Variants in CERS4 observed in about 807,000 individuals in gnomAD.
The protein encoded by CERS4 is ceramide synthase 4, also known as LAG1 homolog, ceramide synthase 4.
CERS4 carries 65 observed loss-of-function variants against 51.8 expected under a neutral mutation model. The observed-to-expected ratio is 1.26, with a 90% confidence interval of 1.03 to 1.54. CERS4 has a LOEUF of 1.54. Ranked by LOEUF, CERS4 falls within the 40% of genes most tolerant of loss-of-function variation. CERS4 has a pLI of 0.00. For synonymous variants in CERS4, 228 were observed against 208.4 expected, an observed-to-expected ratio of 1.09 and a Z score of -0.81; for missense variants, 563 against 500.4, an observed-to-expected ratio of 1.13 and a Z score of -1.19.
intron 2 of CERS4, among the ~76,000 whole-genome samples, chr19:8,237,002 C>CAAAAAAA (rs781273995): frequency 1.3e-4 from 6 of 44,972 alleles, no homozygotes; most frequent in Admixed American, 3.6e-4. Flanking sequence ...GACTCTGTCT[C>CAAAAAAA]AAAAAAAAAA....
chr19:8,232,561 G>A lies in CERS4; in HGVS notation c.-1-18515G>A, dbSNP rs190229551. On this transcript the variant is annotated intron_variant, in intron 2 of 11. Transcript: ENST00000251363. ...CCCACCTCGGCCTCCCAAAGTGCTG[G>A]GATTATAGGCATGAGCCACTGTGCC... Among the ~76,000 whole-genome samples the A allele has an allele frequency of 2.0e-5, 3 of 151,912 alleles. No homozygotes were observed. The East Asian group carries it at 5.8e-4, about 29-fold the overall frequency.
intron 10 of CERS4, among the ~76,000 whole-genome samples, chr19:8,258,944 G>T (rs960869512): frequency 6.6e-6 from 1 of 151,868 alleles, no homozygotes; most frequent in Non-Finnish European, 1.5e-5. Flanking sequence ...GACCACTTTG[G>T]CCAACACAGA....
At chr19:8,253,786 C>T (rs948633422) in intron 3 of CERS4, among the ~76,000 whole-genome samples, 6 of 152,026 alleles carry the variant, frequency 3.9e-5, no homozygotes, top group African/African-American at 1.4e-4. Context: ...GACAGTGTTT[C>T]ACCATATTGG....
chr19:8,210,140 T>C lies in CERS4; in HGVS notation c.-158-566T>C, dbSNP rs969494781. On this transcript the variant is annotated intron_variant, in intron 1 of 11. Coordinates refer to ENST00000251363, the MANE Select transcript of CERS4 (RefSeq NM_024552.3). This position sits in a 1 kb window ranked among gnomAD's most constrained non-coding sequence, Gnocchi z 4.2. ...GGGGCCTGGGAAGCGGCGAGGAGAG[T>C]GTGGAACCCGTTCTCGGGGCGGTGG... Among the ~76,000 whole-genome samples, 2 of 149,622 alleles carry C rather than the reference T, an allele frequency of 1.3e-5. No individual in the cohort carries two copies. The highest frequency in any genetic ancestry group is 3.0e-5 in the Non-Finnish European group (2 of 67,254).
intron 2 of CERS4, among the ~76,000 whole-genome samples, chr19:8,248,775 G>C (rs1177956535): frequency 6.6e-6 from 1 of 151,912 alleles, no homozygotes; most frequent in African/African-American, 2.4e-5. Flanking sequence ...ATGGATGATG[G>C]GTGGATGGAT....
At chr19:8,228,579 G>C (rs776422630) in intron 2 of CERS4, among the ~76,000 whole-genome samples, 1 of 152,098 alleles carries the variant, frequency 6.6e-6, no homozygotes, top group Admixed American at 6.6e-5. Context: ...GCAGGCTGAG[G>C]CAGGAGAATT....
chr19:8,253,522 C>T (rs1032601686), intron 3 of CERS4, among the ~76,000 whole-genome samples: 2 of 139,744 alleles, frequency 1.4e-5, no homozygotes, highest in African/African-American at 2.8e-5. Flanking sequence ...TGCAGTGGTG[C>T]GATCTCGACT....
chr19:8,247,730 A>ACC (rs1555777808), intron 2 of CERS4, among the ~76,000 whole-genome samples: 26 of 89,542 alleles, frequency 2.9e-4, no homozygotes, highest in Non-Finnish European at 4.1e-4. Context: ...TGACCTCCGC[A>ACC]TCTTTTTTTT....
chr19:8,255,571 C>A, intron 4 of CERS4, 36 bp from the exon 5 acceptor site: 2 of 1,562,908 alleles, frequency 1.3e-6, no homozygotes, highest in Non-Finnish European at 1.7e-6. Flanking sequence ...CACCACAGGG[C>A]CTCTGTGACC....
chr19:8,261,638 G>A lies in CERS4; in HGVS notation c.849-50G>A, dbSNP rs371201164. The stretch of plus-strand genomic sequence containing the variant: ...CAGTTAGAAATTCTTAGGACTGGGG[G>A]CTACAGCGGCTGGTCAAACCCCAGC... On this transcript the variant is annotated intron_variant, in intron 10 of 11. Transcript: ENST00000251363. 18 of 1,607,242 alleles carry A rather than the reference G, an allele frequency of 1.1e-5. No individual in the cohort carries two copies. In the South Asian group the frequency reaches 1.2e-4, roughly 11 times the overall value.
At chr19:8,251,053 C>T (rs769905969) in intron 2 of CERS4, 23 bp from the exon 3 acceptor site, 3 of 1,557,806 alleles carry the variant, frequency 1.9e-6, no homozygotes, top group Non-Finnish European at 8.7e-7. Context: ...GACCTCCCAG[C>T]TAACTGGAAC....
Position 8,251,068 on chromosome 19 carries a change from G to C in CERS4, c.-1-8G>C, listed in dbSNP as rs1375805030. On this transcript the variant is annotated splice_polypyrimidine_tract_variant and splice_region_variant and intron_variant, in intron 2 of 11. Transcript: ENST00000251363. ...GACCTCCCAGCTAACTGGAACCTGT[G>C]TCCACAGAATGCTGTCCAGTTTCAA... 2 of 1,578,518 alleles carry C rather than the reference G, an allele frequency of 1.3e-6. No individual in the cohort carries two copies. The highest frequency in any genetic ancestry group is 1.4e-5 in the African/African-American group (1 of 73,584).
chr19:8,237,741 C>T (rs907585421), intron 2 of CERS4, among the ~76,000 whole-genome samples: 3 of 152,030 alleles, frequency 2.0e-5, no homozygotes, highest in Admixed American at 6.6e-5. Flanking sequence ...GTCCCAGCTA[C>T]TCAGGAGGCT....
intron 10 of CERS4, chr19:8,261,352 G>A: frequency 3.4e-6 from 1 of 294,680 alleles, no homozygotes; most frequent in East Asian, 7.2e-5. Flanking sequence ...GCAGTCGCCT[G>A]CTGATGAAGG....
intron 10 of CERS4, among the ~76,000 whole-genome samples, chr19:8,259,741 G>C (rs1969579691): frequency 6.6e-6 from 1 of 152,106 alleles, no homozygotes; most frequent in Non-Finnish European, 1.5e-5. Context: ...AAGGCAGTGG[G>C]CATGCCAGTC....
At chr19:8,242,722 A>C (rs1968589426) in intron 2 of CERS4, among the ~76,000 whole-genome samples, 1 of 152,072 alleles carries the variant, frequency 6.6e-6, no homozygotes, top group African/African-American at 2.4e-5. Context: ...CCAAATACTA[A>C]ATGAGCATTC....
chr19:8,250,916 C>T, intron 2 of CERS4, 160 bp from the exon 3 acceptor site: 1 of 1,449,420 alleles, frequency 6.9e-7, no homozygotes, highest in Non-Finnish European at 9.0e-7. Context: ...GTTCCAAAGT[C>T]CCAGGCAAGG....
intron 2 of CERS4, among the ~76,000 whole-genome samples, chr19:8,245,138 C>G (rs1329674372): frequency 2.3e-5 from 3 of 131,046 alleles, no homozygotes; most frequent in African/African-American, 1.1e-4. Context: ...AAAAAAAACA[C>G]TCTTGGCTTC....
intron 10 of CERS4, among the ~76,000 whole-genome samples, chr19:8,259,266 T>C (rs1003078430): frequency 6.6e-6 from 1 of 151,844 alleles, no homozygotes; most frequent in East Asian, 1.9e-4. Context: ...AGAACCACGT[T>C]GATCAGAGGG....
Sources: gnomAD v4.1 joint callset for allele counts (sites outside exome capture counted in the v4.1 genomes callset) on GRCh38, gnomAD v4.1.1 for gene constraint, Gnocchi (gnomAD v3.1) non-coding constraint, MANE v1.5 for transcripts, NCBI Gene and HGNC (gene_info 2026-07-23, HGNC 2026-07-21) for gene names.